Variants in ULK4 observed in about 807,000 individuals in gnomAD.
ULK4 encodes inactive serine/threonine-protein kinase ULK4.
Under a neutral mutation model 160.6 loss-of-function variants are expected in ULK4, and 133 were observed. The ratio of observed to expected loss-of-function variants is 0.83; its 90% confidence interval spans 0.72 to 0.96. ULK4 has a LOEUF of 0.96. Among genes scored for constraint, ULK4 ranks in the 40% least tolerant of loss-of-function variants. The pLI is 0.00. For synonymous variants in ULK4, 534 were observed against 539.8 expected (o/e 0.99, Z 0.15); for missense variants, 1,580 against 1,499.5 (o/e 1.05, Z -0.89).
chr3:41,380,187 G>A (rs1393630932), intron 35 of ULK4, among the ~76,000 whole-genome samples: 1 of 152,052 alleles, frequency 6.6e-6, no homozygotes, highest in East Asian at 1.9e-4. Flanking sequence ...CTCTTCAAGG[G>A]TGAAGACAAG....
intron 1 of ULK4, among the ~76,000 whole-genome samples, chr3:41,956,433 T>C (rs1225349107): frequency 1.3e-5 from 2 of 152,214 alleles, no homozygotes; most frequent in Non-Finnish European, 2.9e-5. Flanking sequence ...TTTCATGCTT[T>C]TGTTGCTTCA....
intron 32 of ULK4, among the ~76,000 whole-genome samples, chr3:41,491,113 T>C (rs191023876): frequency 1.8e-4 from 27 of 152,286 alleles, no homozygotes; most frequent in African/African-American, 6.5e-4. Context: ...TGTGAATAAA[T>C]ACTTAAAACA....
At chr3:41,670,322 G>C (rs1383947505) in intron 29 of ULK4, among the ~76,000 whole-genome samples, 1 of 152,128 alleles carries the variant, frequency 6.6e-6, no homozygotes, top group Non-Finnish European at 1.5e-5. Context: ...CTTTCAAAAT[G>C]TGAACTAGAT....
chr3:41,918,417 TA>T, intron 7 of ULK4, 39 bp downstream of exon 7: 1 of 1,411,534 alleles, frequency 7.1e-7, no homozygotes, highest in Non-Finnish European at 9.8e-7. Context: ...TTAATCAGTG[TA>T]AAATGTAAAT....
intron 31 of ULK4, among the ~76,000 whole-genome samples, chr3:41,615,406 A>G (rs899247663): frequency 1.3e-5 from 2 of 152,234 alleles, no homozygotes; most frequent in African/African-American, 4.8e-5. Context: ...TAGAAAATAT[A>G]TATTGTGTAA....
chr3:41,826,459 G>A (rs974722932), intron 18 of ULK4, among the ~76,000 whole-genome samples: 1 of 151,804 alleles, frequency 6.6e-6, no homozygotes, highest in Non-Finnish European at 1.5e-5. Context: ...AAGGGATGGA[G>A]GAAGATCTAC....
At chr3:41,927,254 A>T (rs1392628572) in intron 5 of ULK4, among the ~76,000 whole-genome samples, 1 of 152,244 alleles carries the variant, frequency 6.6e-6, no homozygotes, top group African/African-American at 2.4e-5. Flanking sequence ...ACTAAGCTTC[A>T]TAAGCGAAGG....
intron 34 of ULK4, among the ~76,000 whole-genome samples, chr3:41,432,612 T>C (rs1478061321): frequency 2.6e-5 from 4 of 152,204 alleles, no homozygotes; most frequent in Non-Finnish European, 4.4e-5. Context: ...GGAGATGATA[T>C]TTTCATAGAA....
chr3:41,294,955 A>G (rs2079640592), intron 35 of ULK4, among the ~76,000 whole-genome samples: 1 of 152,222 alleles, frequency 6.6e-6, no homozygotes. Flanking sequence ...ACTGACTCTA[A>G]AAGTTATATG....
intron 31 of ULK4, among the ~76,000 whole-genome samples, chr3:41,581,161 A>G (rs1041476344): frequency 6.6e-6 from 1 of 152,174 alleles, no homozygotes; most frequent in Non-Finnish European, 1.5e-5. Flanking sequence ...TCAGAAGCCT[A>G]TCTTTCTTCA....
chr3:41,418,439 T>C (rs1477009343), intron 34 of ULK4, among the ~76,000 whole-genome samples: 1 of 151,660 alleles, frequency 6.6e-6, no homozygotes, highest in Non-Finnish European at 1.5e-5. Context: ...TTTTTAAAAG[T>C]CCACGTAGAA....
intron 32 of ULK4, among the ~76,000 whole-genome samples, chr3:41,468,359 G>C (rs2083887784): frequency 6.6e-6 from 1 of 152,170 alleles, no homozygotes; most frequent in South Asian, 2.1e-4. Context: ...CAGGGGCAAG[G>C]ATTTACAGAG....
chr3:41,883,939 C>T lies in ULK4; in HGVS notation c.1591G>A (p.Ala531Thr), dbSNP rs1292795695. Residue 531 changes from alanine (A) to threonine (T), a missense_variant, in exon 17 of 37, where the codon GCT (alanine) becomes ACT (threonine). Ala to Thr is a moderately conservative substitution (Grantham distance 58, BLOSUM62 0). Coordinates refer to ENST00000301831, the MANE Select transcript of ULK4 (RefSeq NM_017886.4). ...GAAGCCAGTAAACCAATTACGTGAG[C>T]AACCTTGGCCCGTCTGTAAATGGAG... is the stretch of plus-strand genomic sequence containing the variant. ...APNWDIRAKV[A>T]HVIGLLASHT... The T allele has an allele frequency of 6.2e-7, 1 of 1,609,856 alleles. No individual in the cohort carries two copies. The highest frequency in any genetic ancestry group is 1.7e-5 in the Admixed American group (1 of 60,012).
intron 30 of ULK4, among the ~76,000 whole-genome samples, chr3:41,620,563 C>T: frequency 6.6e-6 from 1 of 152,178 alleles, no homozygotes; most frequent in East Asian, 1.9e-4. Flanking sequence ...TAAGATTCAA[C>T]ATCCCTTCAT....
At chr3:41,311,032 AGAAG>A (rs1399350362) in intron 35 of ULK4, among the ~76,000 whole-genome samples, 3 of 151,888 alleles carry the variant, frequency 2.0e-5, no homozygotes, top group Admixed American at 6.5e-5. Context: ...ATAAAAGGAA[AGAAG>A]GAAGGAAGGG....
intron 7 of ULK4, among the ~76,000 whole-genome samples, chr3:41,917,812 T>A (rs948888189): frequency 2.0e-5 from 3 of 151,922 alleles, no homozygotes; most frequent in African/African-American, 7.2e-5. Context: ...AAACCCCGTC[T>A]CTAATAAAAA....
chr3:41,558,659 A>T lies in ULK4; in HGVS notation c.3226+7366T>A, dbSNP rs560841253. 1.0e-3 allele frequency among the ~76,000 whole-genome samples: 153 copies of T among 151,528 alleles called. 1 individual carries two copies. Among genetic ancestry groups the T allele is most frequent in the Admixed American group, 3.0e-3 (45 of 15,212 alleles). On this transcript the variant is annotated intron_variant, in intron 32 of 36. Coordinates refer to ENST00000301831, the MANE Select transcript of ULK4 (RefSeq NM_017886.4). Reference sequence around the variant, plus strand: ...GTGGAGATTGCAGTGGGCCAAGATCACGCCATGGCACTTCAGCCTGAGCAA... The same window carrying T: ...GTGGAGATTGCAGTGGGCCAAGATCTCGCCATGGCACTTCAGCCTGAGCAA...
At chr3:41,438,887 G>A (rs1016321130) in intron 34 of ULK4, among the ~76,000 whole-genome samples, 1 of 151,094 alleles carries the variant, frequency 6.6e-6, no homozygotes, top group Admixed American at 6.6e-5. Context: ...CATTCCAGAG[G>A]ATAGAAAAGA....
intron 32 of ULK4, among the ~76,000 whole-genome samples, chr3:41,553,839 ACT>A (rs1288847310): frequency 1.3e-5 from 2 of 152,014 alleles, no homozygotes; most frequent in African/African-American, 2.4e-5. Context: ...ATCGAATTAT[ACT>A]CTTTTAGTTA....
Sources: allele counts gnomAD v4.1 joint callset (sites outside exome capture counted in the v4.1 genomes callset), GRCh38; gene constraint gnomAD v4.1.1; transcripts MANE v1.5; gene names NCBI Gene and HGNC (gene_info 2026-07-23, HGNC 2026-07-21).